The following SNAPC5 variants were observed in gnomAD, a reference collection of about 807,000 sequenced individuals.
SNAPC5 encodes snRNA-activating protein complex subunit 5.
A neutral mutation model predicts 9.1 loss-of-function variants in SNAPC5; 12 were observed. The ratio of observed to expected loss-of-function variants is 1.32; its 90% CI spans 0.85 to 2.15. The LOEUF (loss-of-function observed/expected upper bound fraction) is 2.15, where lower values mean the gene tolerates loss of function less well. Among genes scored for constraint, SNAPC5 ranks in the 30% most tolerant of loss-of-function variants. The pLI, the probability that SNAPC5 is intolerant of heterozygous loss-of-function variation, is 0.00. For missense variants in SNAPC5, 132 were observed against 114.4 expected (o/e 1.15, Z -0.70); for synonymous variants, 52 against 47.3 (o/e 1.10, Z -0.41).
At position 66,497,728 on chromosome 15, in the gene SNAPC5, G is replaced by A. The variant is rs1427948875; in HGVS notation, c.4C>T (p.Leu2=). Residue 2 remains leucine (L), a synonymous_variant, in exon 1 of 3, where the codon CTG becomes TTG. Transcript: ENST00000316634. The stretch of plus-strand genomic sequence containing the variant: ...TTGCGCAGTTCCTGAAGCCGGCTCA[G>A]CATGTTGCCTGGTCACATAGCCAAC... The part of the protein sequence containing the change: M[L]SRLQELRKEE... 14 of 1,612,098 alleles carry A rather than the reference G, an allele frequency of 8.7e-6. No individual in the cohort carries two copies. In the Middle Eastern group the frequency reaches 5.8e-4, roughly 67 times the overall value.
chr15:66,489,814 TTCTC>T (rs763233596), downstream of SNAPC5: 22 of 1,464,694 alleles, frequency 1.5e-5, no homozygotes, highest in African/African-American at 2.8e-4. Context: ...TCATTTGTTC[TTCTC>T]TGTCAGTCAT....
At chr15:66,491,589 A>G (rs896327501), downstream of SNAPC5, 2 of 182,922 alleles carry the variant, frequency 1.1e-5, no homozygotes, top group African/African-American at 4.7e-5. Flanking sequence ...AGTACACAAG[A>G]AATACTGGTT....
At chr15:66,490,133 A>G (rs1268370196), downstream of SNAPC5, 8 of 511,464 alleles carry the variant, frequency 1.6e-5, no homozygotes, top group South Asian at 1.0e-4. Context: ...GGCAGTGGAA[A>G]TAGCTAAGTA....
intron 1 of SNAPC5, 43 bp downstream of exon 1, chr15:66,497,599 T>C (rs1220066484): frequency 1.3e-6 from 2 of 1,569,498 alleles, no homozygotes; most frequent in Admixed American, 1.7e-5. Context: ...AAATGGTCGC[T>C]CGGGAGGAAT....
chr15:66,491,777 T>C, downstream of SNAPC5: 1 of 360,422 alleles, frequency 2.8e-6, no homozygotes, highest in Non-Finnish European at 5.4e-6. Context: ...ACCACCTTCC[T>C]TGTGGGACCT....
At chr15:66,494,971 C>T in intron 2 of SNAPC5, 1 of 348,658 alleles carries the variant, frequency 2.9e-6, no homozygotes, top group Non-Finnish European at 5.4e-6. Flanking sequence ...GTGCCTTGTA[C>T]TTGAAGCCAC....
Position 66,496,446 on chromosome 15 carries a change from C to A in SNAPC5, c.91-1027G>T, listed in dbSNP as rs75159020. ...CGCCACCGCACTCTAGGCTGAGCAACAAGAGCGAAACTCTGTCTCAAAAAA... is the reference window on the plus strand; with the variant it reads ...CGCCACCGCACTCTAGGCTGAGCAAAAAGAGCGAAACTCTGTCTCAAAAAA... On this transcript the variant is annotated intron_variant, in intron 1 of 2. Coordinates refer to ENST00000316634, the MANE Select transcript of SNAPC5 (RefSeq NM_001329615.2). 4.8e-3 allele frequency among the ~76,000 whole-genome samples: 725 copies of A among 150,608 alleles called. 8 individuals are homozygous for A. Among genetic ancestry groups the A allele is most frequent in the African/African-American group, 0.017 (695 of 40,872 alleles).
At chr15:66,490,636 A>AGCGAGTCCCCTGCCCG, downstream of SNAPC5, 1 of 1,590,692 alleles carries the variant, frequency 6.3e-7, no homozygotes, top group Non-Finnish European at 8.6e-7. Flanking sequence ...AGCAACAAAG[A>AGCGAGTCCCCTGCCCG]GCGAGTCCCC....
At chr15:66,495,105 G>A in intron 2 of SNAPC5, 1 of 549,802 alleles carries the variant, frequency 1.8e-6, no homozygotes, top group Non-Finnish European at 3.3e-6. Context: ...GAGGAGGATG[G>A]AGGTAAAACA....
At chr15:66,496,252 G>C (rs770730690) in intron 1 of SNAPC5, among the ~76,000 whole-genome samples, 1 of 152,138 alleles carries the variant, frequency 6.6e-6, no homozygotes, top group Non-Finnish European at 1.5e-5. Flanking sequence ...GATCACCTGA[G>C]GTCAGGAGTT....
chr15:66,491,813 G>C, downstream of SNAPC5: 1 of 387,742 alleles, frequency 2.6e-6, no homozygotes, highest in Non-Finnish European at 5.1e-6. Context: ...ATATTCCTTT[G>C]ATCTCTTTTA....
intron 1 of SNAPC5, among the ~76,000 whole-genome samples, chr15:66,495,789 G>A (rs1893410015): frequency 6.6e-6 from 1 of 152,186 alleles, no homozygotes; most frequent in Admixed American, 6.5e-5. Context: ...AGAACGTGAA[G>A]GAAAGAAGAA....
chr15:66,492,238 G>T, downstream of SNAPC5: 2 of 273,868 alleles, frequency 7.3e-6, no homozygotes, highest in Non-Finnish European at 1.5e-5. Flanking sequence ...TATTTTCTTT[G>T]AAAGGGCAGG....
At chr15:66,490,303 A>G, downstream of SNAPC5, 1 of 691,932 alleles carries the variant, frequency 1.4e-6, no homozygotes, top group Non-Finnish European at 2.6e-6. Context: ...GACTTGCCCA[A>G]GGCCTCACAG....
downstream of SNAPC5, chr15:66,490,753 G>T: frequency 1.4e-6 from 1 of 724,582 alleles, no homozygotes. Flanking sequence ...CATGTGCCAA[G>T]ATTCTACTCT....
rs1893348467 is a variant in SNAPC5 at position 66,494,201 on chromosome 15, C to A, written c.*235G>T. 6.3e-6 allele frequency: 3 copies of A among 479,946 alleles called. No homozygotes were observed. The highest frequency in any genetic ancestry group is 2.8e-5 in the South Asian group (1 of 35,300). 29.7% of individuals were successfully genotyped at this position (479,946 alleles called of 1,614,324 possible). The stretch of plus-strand genomic sequence containing the variant: ...GAATCTGACCAGATTACAGACAGCA[C>A]CACCCATATTACTCAATGCTAAGAC... On this transcript the variant is annotated 3_prime_UTR_variant, in exon 3 of 3. Transcript: ENST00000316634.
downstream of SNAPC5, among the ~76,000 whole-genome samples, chr15:66,492,807 T>C (rs368433241): frequency 6.6e-6 from 1 of 152,294 alleles, no homozygotes; most frequent in East Asian, 1.9e-4. Flanking sequence ...TTTTAAATGA[T>C]CTCATTAGCA....
At chr15:66,495,040 CAA>C (rs35235737) in intron 2 of SNAPC5, 8 of 431,296 alleles carry the variant, frequency 1.9e-5, no homozygotes, top group South Asian at 8.4e-5. Flanking sequence ...CATCGTCCTA[CAA>C]AAATCTCCAC....
At chr15:66,490,380 C>T (rs780908908), downstream of SNAPC5, 8 of 791,386 alleles carry the variant, frequency 1.0e-5, no homozygotes, top group East Asian at 1.9e-4. Flanking sequence ...GGGGCAGGTG[C>T]CAGGTGCTCT....
Sources: allele counts gnomAD v4.1 joint callset (sites outside exome capture counted in the v4.1 genomes callset), GRCh38; gene constraint gnomAD v4.1.1; transcripts MANE v1.5; gene names NCBI Gene and HGNC (gene_info 2026-07-23, HGNC 2026-07-21).